PRDM16: variants seen among roughly 807,000 people sequenced by gnomAD.
The protein encoded by PRDM16 is PR/SET domain 16, also known as histone-lysine N-methyltransferase PRDM16.
In PRDM16, 23 loss-of-function variants were observed where a neutral mutation model predicts 110.6. That is an observed-to-expected ratio of 0.21 (90% CI 0.15 to 0.29). The LOEUF is 0.29. Ranked by LOEUF, PRDM16 falls within the 10% of genes least tolerant of loss-of-function variation. PRDM16 has a pLI of 1.00. For synonymous variants in PRDM16, 799 were observed against 781.8 expected (o/e 1.02, Z -0.37); for missense variants, 1,615 against 1,794.3 (o/e 0.90, Z 1.81).
chr1:3,285,098 T>C (rs1331585102), intron 3 of PRDM16, among the ~76,000 whole-genome samples: 1 of 152,140 alleles, frequency 6.6e-6, no homozygotes, highest in African/African-American at 2.4e-5. Flanking sequence ...CCCCCCAAGT[T>C]CTGGGCCAGC....
intron 1 of PRDM16, among the ~76,000 whole-genome samples, chr1:3,150,315 G>A (rs1643751562): frequency 6.6e-6 from 1 of 151,896 alleles, no homozygotes; most frequent in African/African-American, 2.4e-5. Flanking sequence ...CAGCACTTTG[G>A]GAGGCTAAGT....
intron 3 of PRDM16, among the ~76,000 whole-genome samples, chr1:3,289,565 C>G (rs532157261): frequency 6.6e-6 from 1 of 152,354 alleles, no homozygotes; most frequent in South Asian, 2.1e-4. Flanking sequence ...GTCCCAGTGC[C>G]CACAGCCCAG....
rs2100798234 is a variant in PRDM16, at chr1:3,186,421, C to T, written c.334C>T (p.Pro112Ser). 6.3e-7 allele frequency: 1 copy of T among 1,583,738 alleles called. No homozygotes were observed. The highest frequency in any genetic ancestry group is 8.6e-7 in the Non-Finnish European group (1 of 1,165,248). The stretch of plus-strand genomic sequence containing the variant: ...GATGGAAGCCGGGGAGAGGCTGGGC[C>T]CCTGCGTGGTGGTGCCCCGGGCGGC... ...RKMEAGERLG[P>S]CVVVPRAAAK... is the part of the protein sequence containing the mutation. The change falls in exon 2 of 17, where the codon CCC becomes TCC. Residue 112 changes from proline to serine, a missense_variant. This residue lies in a region of PRDM16 where 416 missense variants were observed against 467.1 expected (regional missense o/e 0.89). Coordinates refer to ENST00000270722, the MANE Select transcript of PRDM16 (RefSeq NM_022114.4).
intron 3 of PRDM16, among the ~76,000 whole-genome samples, chr1:3,274,478 C>T (rs1290088575): frequency 6.6e-6 from 1 of 152,178 alleles, no homozygotes; most frequent in East Asian, 1.9e-4. Context: ...GGGCTCTTAG[C>T]CGGCTGCGGA....
At chr1:3,122,261 A>C (rs559335721) in intron 1 of PRDM16, among the ~76,000 whole-genome samples, 1 of 152,214 alleles carries the variant, frequency 6.6e-6, no homozygotes, top group African/African-American at 2.4e-5. Context: ...TCGACCCTTG[A>C]GATGCTGGGC....
rs567211603 is a variant in PRDM16, at chr1:3,326,667, G to A, written c.439-58485G>A. ...CCTGAGGGCTGATTAGAGGAGCGGG[G>A]AACAGGGCCTCCATCTGGAGGAAGG... On this transcript the variant is annotated intron_variant, in intron 3 of 16. Coordinates refer to ENST00000270722, the MANE Select transcript of PRDM16 (RefSeq NM_022114.4). Among the ~76,000 whole-genome samples, 6 of 152,316 alleles carry A rather than the reference G, an allele frequency of 3.9e-5. No individual in the cohort carries two copies. In the East Asian group the frequency reaches 7.7e-4, roughly 20 times the overall value.
intron 12 of PRDM16, among the ~76,000 whole-genome samples, chr1:3,422,621 G>A (rs78765672): frequency 0.093 from 14,217 of 152,314 alleles, 862 homozygotes; most frequent in African/African-American, 0.17. Flanking sequence ...TCAGGGTGGG[G>A]GATGTGAGAA....
At position 3,382,471 on chromosome 1, in the gene PRDM16, G is replaced by A. The variant is rs79216523; in HGVS notation, c.439-2681G>A. Among the ~76,000 whole-genome samples, 1,482 of 152,342 alleles carry A rather than the reference G, an allele frequency of 9.7e-3. 21 individuals are homozygous for A. Among genetic ancestry groups the A allele is most frequent in the African/African-American group, 0.034 (1,415 of 41,576 alleles). On this transcript the variant is annotated intron_variant, in intron 3 of 16. Coordinates refer to ENST00000270722, the MANE Select transcript of PRDM16 (RefSeq NM_022114.4). This position sits in a 1 kb window ranked among gnomAD's most constrained non-coding sequence, Gnocchi z 6.6. ...TGCCTGGGGCACAGCTGTGTCTGCA[G>A]AAGCTGGTAACACAGAGGCTGTCTC... is the stretch of plus-strand genomic sequence containing the variant.
At chr1:3,160,814 C>A (rs375918600) in intron 1 of PRDM16, among the ~76,000 whole-genome samples, 20 of 152,236 alleles carry the variant, frequency 1.3e-4, no homozygotes, top group African/African-American at 4.8e-4. Context: ...GCCACCTGCA[C>A]TTCCAGACAG....
rs370277179 is a variant in PRDM16 at position 3,401,893 on chromosome 1, G to A, written c.677-898G>A. 5.6e-3 allele frequency among the ~76,000 whole-genome samples: 852 copies of A among 152,204 alleles called. 3 individuals are homozygous for A. The highest frequency in any genetic ancestry group is 0.014 in the Middle Eastern group (4 of 292). On this transcript the variant is annotated intron_variant, in intron 5 of 16. Coordinates refer to ENST00000270722, the MANE Select transcript of PRDM16 (RefSeq NM_022114.4). ...CACACCAGTGCACACAAATATTCAC[G>A]CATGTAGGTGCATGCAGAAACACAT...
In PRDM16 at chr1:3,195,246, G is replaced by C. The variant is rs796558058; in HGVS notation, c.387+8772G>C. ...GTGCCGTGGAGGAGTCACAGCACAG[G>C]CTTCCCATGTCCCCCGGCACCGTGA... On this transcript the variant is annotated intron_variant, in intron 2 of 16. Transcript: ENST00000270722. 3.9e-4 allele frequency among the ~76,000 whole-genome samples: 60 copies of C among 152,310 alleles called. 1 individual carries two copies. The highest frequency in any genetic ancestry group is 1.4e-3 in the African/African-American group (59 of 41,574).
At chr1:3,237,703 G>A (rs958652656) in intron 2 of PRDM16, among the ~76,000 whole-genome samples, 1 of 152,234 alleles carries the variant, frequency 6.6e-6, no homozygotes, top group African/African-American at 2.4e-5. Context: ...GCCTCGCCCG[G>A]GCGGTGTGTC....
chr1:3,345,854 C>T lies in PRDM16; in HGVS notation c.439-39298C>T, dbSNP rs562363952. Among the ~76,000 whole-genome samples the T allele has an allele frequency of 7.3e-5, 11 of 151,104 alleles. No individual in the cohort carries two copies. In the East Asian group the frequency reaches 1.7e-3, roughly 24 times the overall value. On this transcript the variant is annotated intron_variant, in intron 3 of 16. Coordinates refer to ENST00000270722, the MANE Select transcript of PRDM16 (RefSeq NM_022114.4). ...GTCCTCCCGTGCTGCCCTCTGCAGC[C>T]GAGGGTTTTTCTTGGCAGCTGTCTC...
chr1:3,419,211 G>A (rs571201253), intron 12 of PRDM16, among the ~76,000 whole-genome samples: 1 of 152,304 alleles, frequency 6.6e-6, no homozygotes, highest in Non-Finnish European at 1.5e-5. Flanking sequence ...GAGACTCCGT[G>A]CAAATGCGGG....
intron 8 of PRDM16, among the ~76,000 whole-genome samples, chr1:3,407,351 A>G (rs889634312): frequency 6.6e-6 from 1 of 152,130 alleles, no homozygotes; most frequent in African/African-American, 2.4e-5. Flanking sequence ...CCAAAGGGAG[A>G]TGGAGCTCTG....
intron 2 of PRDM16, among the ~76,000 whole-genome samples, chr1:3,222,848 G>A (rs1217589796): frequency 6.6e-6 from 1 of 152,214 alleles, no homozygotes; most frequent in African/African-American, 2.4e-5. Flanking sequence ...GAAGCCTGAT[G>A]TGAGGGCACT....
chr1:3,276,657 C>T (rs1397286528), intron 3 of PRDM16, among the ~76,000 whole-genome samples: 1 of 152,270 alleles, frequency 6.6e-6, no homozygotes, highest in Non-Finnish European at 1.5e-5. Context: ...GCTCGTCGGC[C>T]CCAGCCAGCT....
At chr1:3,393,157 A>C (rs1249427222) in intron 4 of PRDM16, among the ~76,000 whole-genome samples, 2 of 152,244 alleles carry the variant, frequency 1.3e-5, no homozygotes, top group Non-Finnish European at 2.9e-5. Flanking sequence ...CTTAAACCAA[A>C]GGGAAAATTC....
At chr1:3,147,321 G>A (rs774417429) in intron 1 of PRDM16, among the ~76,000 whole-genome samples, 1 of 151,820 alleles carries the variant, frequency 6.6e-6, no homozygotes, top group African/African-American at 2.4e-5. Context: ...TGAGGTCTGG[G>A]GTGTGTGACG....
Sources: gnomAD v4.1 joint callset for allele counts (sites outside exome capture counted in the v4.1 genomes callset) on GRCh38, gnomAD v4.1.1 for gene constraint, gnomAD v4.1.1 regional missense constraint, Gnocchi (gnomAD v3.1) non-coding constraint, MANE v1.5 for transcripts, NCBI Gene and HGNC (gene_info 2026-07-23, HGNC 2026-07-21) for gene names.